Variants in RAP1GDS1 observed in about 807,000 individuals in gnomAD.
The protein encoded by RAP1GDS1 is RAP1, GTP-GDP dissociation stimulator 1.
A neutral mutation model predicts 71.1 loss-of-function variants in RAP1GDS1; 35 were observed. That is an observed-to-expected ratio of 0.49 (90% CI 0.38 to 0.65). The LOEUF is 0.65. RAP1GDS1 is among the 30% of genes least tolerant of loss of function. The pLI is 0.00. For synonymous variants in RAP1GDS1, 229 were observed against 243.1 expected, an observed-to-expected ratio of 0.94 and a Z score of 0.54; for missense variants, 663 against 706.1, an observed-to-expected ratio of 0.94 and a Z score of 0.69.
At chr4:98,375,489 T>G (rs1317685331) in intron 4 of RAP1GDS1, among the ~76,000 whole-genome samples, 1 of 152,140 alleles carries the variant, frequency 6.6e-6, no homozygotes, top group African/African-American at 2.4e-5. Context: ...TCAAAAACAT[T>G]ACTCATATCA....
At chr4:98,288,526 T>A (rs1049654389) in intron 1 of RAP1GDS1, among the ~76,000 whole-genome samples, 3 of 152,190 alleles carry the variant, frequency 2.0e-5, no homozygotes, top group Non-Finnish European at 4.4e-5. Context: ...GCATGATTTA[T>A]AATCCTTTGG....
intron 1 of RAP1GDS1, among the ~76,000 whole-genome samples, chr4:98,292,835 A>G (rs1441912401): frequency 6.6e-6 from 1 of 152,190 alleles, no homozygotes; most frequent in East Asian, 1.9e-4. Context: ...AGAGGAATTC[A>G]CATATAATTT....
At chr4:98,284,171 G>A (rs1309199980) in intron 1 of RAP1GDS1, among the ~76,000 whole-genome samples, 1 of 152,090 alleles carries the variant, frequency 6.6e-6, no homozygotes, top group Non-Finnish European at 1.5e-5. Context: ...AAGGGAGTTG[G>A]AAATAGTACA....
intron 1 of RAP1GDS1, among the ~76,000 whole-genome samples, chr4:98,273,932 G>T (rs1425937926): frequency 6.6e-6 from 1 of 152,172 alleles, no homozygotes; most frequent in Non-Finnish European, 1.5e-5. Flanking sequence ...TGCACTTGCA[G>T]TGAGGTCTGA....
At chr4:98,428,232 C>CA (rs1749898538) in intron 12 of RAP1GDS1, among the ~76,000 whole-genome samples, 1 of 151,876 alleles carries the variant, frequency 6.6e-6, no homozygotes, top group Non-Finnish European at 1.5e-5. Flanking sequence ...AATCTAAGAC[C>CA]TGAAACTAAA....
At chr4:98,309,646 T>C (rs953779134) in intron 2 of RAP1GDS1, among the ~76,000 whole-genome samples, 3 of 151,994 alleles carry the variant, frequency 2.0e-5, no homozygotes, top group Non-Finnish European at 4.4e-5. Context: ...ATTAAAAATA[T>C]ATAGATTCTA....
chr4:98,294,088 A>G (rs1294468013), intron 2 of RAP1GDS1, among the ~76,000 whole-genome samples: 2 of 152,138 alleles, frequency 1.3e-5, no homozygotes, highest in African/African-American at 4.8e-5. Flanking sequence ...TAGAAACTGC[A>G]CAGTTCTTCA....
chr4:98,282,218 G>C (rs934334552), intron 1 of RAP1GDS1, among the ~76,000 whole-genome samples: 4 of 152,084 alleles, frequency 2.6e-5, no homozygotes, highest in Non-Finnish European at 5.9e-5. Flanking sequence ...GGTAGAATTC[G>C]GCTGTGAATC....
intron 2 of RAP1GDS1, among the ~76,000 whole-genome samples, chr4:98,311,549 C>A (rs976784151): frequency 6.6e-6 from 1 of 152,100 alleles, no homozygotes; most frequent in Non-Finnish European, 1.5e-5. Flanking sequence ...GGAGAGAGAT[C>A]TTTTACTTAA....
At chr4:98,323,791 C>T (rs1424937901) in intron 2 of RAP1GDS1, among the ~76,000 whole-genome samples, 6 of 151,396 alleles carry the variant, frequency 4.0e-5, no homozygotes, top group Non-Finnish European at 8.8e-5. Context: ...TAAGAGCTAT[C>T]TATGACAAAC....
rs574793456 is a variant in RAP1GDS1 at position 98,284,089 on chromosome 4, T to C, written c.5-9319T>C. On this transcript the variant is annotated intron_variant, in intron 1 of 14. Transcript: ENST00000408927. Reference sequence around the variant, plus strand: ...TGGATTTACCCAACTTTGGCACTTATTCTGGGCAAGTTATTCAGCTTCTGA... The same window carrying C: ...TGGATTTACCCAACTTTGGCACTTACTCTGGGCAAGTTATTCAGCTTCTGA... Among the ~76,000 whole-genome samples the C allele has an allele frequency of 1.2e-3, 179 of 152,280 alleles. 1 individual carries two copies. In the South Asian group the frequency reaches 0.018, roughly 15 times the overall value.
chr4:98,289,615 C>A (rs932656574), intron 1 of RAP1GDS1, among the ~76,000 whole-genome samples: 2 of 142,058 alleles, frequency 1.4e-5, no homozygotes, highest in African/African-American at 5.2e-5. Flanking sequence ...CATAGTAAAA[C>A]TGAAAATATT....
At chr4:98,361,289 T>C (rs946562746) in intron 4 of RAP1GDS1, among the ~76,000 whole-genome samples, 7 of 151,912 alleles carry the variant, frequency 4.6e-5, no homozygotes, top group Non-Finnish European at 1.0e-4. Flanking sequence ...ACCTTTTATA[T>C]TTAAAATATT....
rs28739381 is a variant in RAP1GDS1 at position 98,442,313 on chromosome 4, G to C, written c.*196G>C. The C allele has an allele frequency of 4.5e-3, 3,051 of 676,800 alleles. 67 individuals are homozygous for C. The African/African-American group carries it at 0.05, about 11-fold the overall frequency. The allele number at this position is 676,800 out of a possible 1,614,324, so 41.9% of individuals were successfully genotyped here. A position where few individuals can be genotyped will look rare whatever the true frequency, so the allele number is the denominator to read the frequency against. ...TTAGTGTGATCATGACTTTGTCAAA[G>C]GCAAGTCTCCACCCATAACCGTTCT... On this transcript the variant is annotated 3_prime_UTR_variant, in exon 15 of 15. Coordinates refer to ENST00000408927, the MANE Select transcript of RAP1GDS1 (RefSeq NM_001100427.2).
chr4:98,293,804 C>G (rs983339490), intron 2 of RAP1GDS1, among the ~76,000 whole-genome samples: 7 of 151,992 alleles, frequency 4.6e-5, no homozygotes, highest in African/African-American at 1.7e-4. Flanking sequence ...TTCTAACAGT[C>G]AAGCATCGTA....
At chr4:98,263,795 A>G (rs1241128120) in intron 1 of RAP1GDS1, among the ~76,000 whole-genome samples, 2 of 152,216 alleles carry the variant, frequency 1.3e-5, no homozygotes, top group African/African-American at 2.4e-5. Flanking sequence ...GGGTTGGTAC[A>G]TATTATCTAG....
intron 2 of RAP1GDS1, among the ~76,000 whole-genome samples, chr4:98,320,779 A>G (rs535651090): frequency 4.9e-3 from 730 of 148,398 alleles, no homozygotes; most frequent in Middle Eastern, 0.01. Context: ...GTACATCACC[A>G]TCATCAAAGA....
intron 5 of RAP1GDS1, among the ~76,000 whole-genome samples, chr4:98,387,753 C>T (rs773602110): frequency 4.6e-5 from 7 of 152,196 alleles, no homozygotes; most frequent in Admixed American, 6.5e-5. Context: ...GACTGTCTTT[C>T]ACACATAAGT....
At chr4:98,338,024 A>T (rs1734945484) in intron 2 of RAP1GDS1, among the ~76,000 whole-genome samples, 1 of 151,884 alleles carries the variant, frequency 6.6e-6, no homozygotes, top group Non-Finnish European at 1.5e-5. Flanking sequence ...AGGGGAGGCA[A>T]ACCGGAGTTA....
Sources: allele counts gnomAD v4.1 joint callset (sites outside exome capture counted in the v4.1 genomes callset), GRCh38; gene constraint gnomAD v4.1.1; transcripts MANE v1.5; gene names NCBI Gene and HGNC (gene_info 2026-07-23, HGNC 2026-07-21).